The following TRIO variants were observed in gnomAD, a reference collection of about 807,000 sequenced individuals.
TRIO encodes triple functional domain protein.
TRIO carries 58 observed loss-of-function variants against 351.9 expected under a neutral mutation model. That is an observed-to-expected ratio of 0.16 (90% CI 0.13 to 0.21). TRIO has a LOEUF of 0.21. Among genes scored for constraint, TRIO ranks in the 10% least tolerant of loss-of-function variants. The pLI, the probability that TRIO is intolerant of heterozygous loss-of-function variation, is 1.00. For synonymous variants in TRIO, 1,758 were observed against 1,595.7 expected (o/e 1.10, Z -2.42); for missense variants, 3,201 against 4,027.8 (o/e 0.79, Z 5.56).
At chr5:14,179,663 G>A (rs1312251266) in intron 1 of TRIO, among the ~76,000 whole-genome samples, 1 of 151,782 alleles carries the variant, frequency 6.6e-6, no homozygotes, top group Non-Finnish European at 1.5e-5. Flanking sequence ...TGCCCAGGCT[G>A]ATCTCGAACT....
chr5:14,419,649 C>A, intron 33 of TRIO, 129 bp from the exon 34 acceptor site: 2 of 1,294,058 alleles, frequency 1.5e-6, no homozygotes, highest in Non-Finnish European at 2.1e-6. Flanking sequence ...AGTGATCACA[C>A]AACCTCGGAG....
intron 4 of TRIO, among the ~76,000 whole-genome samples, chr5:14,289,252 T>G (rs1736705580): frequency 6.6e-6 from 1 of 151,936 alleles, no homozygotes; most frequent in Non-Finnish European, 1.5e-5. Flanking sequence ...GAGCGTGGTG[T>G]AAGTCACCTG....
At position 14,368,800 on chromosome 5, in the gene TRIO, C is replaced by T. The variant is rs371239588; in HGVS notation, c.2967C>T (p.Ala989=). Residue 989 remains alanine (A), a synonymous_variant, in exon 17 of 57, where the codon GCC becomes GCT. Coordinates refer to ENST00000344204, the MANE Select transcript of TRIO (RefSeq NM_007118.4). ...ACATGGACATGATCCGGGACTGCGC[C>T]GAGAAGGTGGCGTCTCACTGGCAAC... The part of the protein sequence containing the change: ...HYDMDMIRDC[A]EKVASHWQQL... 3.9e-5 allele frequency: 63 copies of T among 1,614,112 alleles called. No individual in the cohort carries two copies. In the East Asian group the frequency reaches 9.8e-4, roughly 25 times the overall value.
Position 14,497,887 on chromosome 5 carries a change from C to T in TRIO, c.8047+13C>T. 1 of 1,614,148 alleles carries T rather than the reference C, an allele frequency of 6.2e-7. No individual in the cohort carries two copies. On this transcript the variant is annotated intron_variant, in intron 51 of 56. Transcript: ENST00000344204. This position sits in a 1 kb window ranked among gnomAD's most constrained non-coding sequence, Gnocchi z 4.4. ...TACATTTATGACGGTGAGTTCTGTT[C>T]TTTTTCTTCTAGTCCTAGAGATGAT... is the stretch of plus-strand genomic sequence containing the variant.
intron 26 of TRIO, 34 bp from the exon 27 acceptor site, chr5:14,390,867 A>G: frequency 1.3e-6 from 2 of 1,565,660 alleles, no homozygotes; most frequent in Non-Finnish European, 1.7e-6. Context: ...ACTTGTTATG[A>G]TTTAAATGAG....
chr5:14,502,286 G>A (rs996398340), intron 53 of TRIO, among the ~76,000 whole-genome samples: 1 of 152,116 alleles, frequency 6.6e-6, no homozygotes, highest in Non-Finnish European at 1.5e-5. Context: ...AAAAGTAAAA[G>A]CAGTTTTTAC....
intron 1 of TRIO, among the ~76,000 whole-genome samples, chr5:14,160,975 A>G (rs898896171): frequency 1.3e-5 from 2 of 151,962 alleles, no homozygotes; most frequent in Admixed American, 1.3e-4. Context: ...CAGCGGTGTG[A>G]TTTTGACTCA....
intron 34 of TRIO, among the ~76,000 whole-genome samples, chr5:14,436,610 G>C (rs560664672): frequency 2.6e-5 from 4 of 152,174 alleles, no homozygotes; most frequent in Admixed American, 6.5e-5. Flanking sequence ...AAAATCAAAA[G>C]CAGGTTAGTT....
intron 8 of TRIO, 107 bp from the exon 9 acceptor site, chr5:14,316,406 A>T: frequency 9.2e-7 from 1 of 1,081,762 alleles, no homozygotes; most frequent in Non-Finnish European, 1.4e-6. Context: ...GTGTACATGT[A>T]CGTGTGTGCC....
At chr5:14,498,285 G>A (rs543501535) in intron 52 of TRIO, 34 bp downstream of exon 52, 1 of 1,604,306 alleles carries the variant, frequency 6.2e-7, no homozygotes, top group Non-Finnish European at 8.5e-7. Context: ...GGTTTCGCTG[G>A]CTGGGAGCAC....
chr5:14,230,762 G>A (rs1793369495), intron 1 of TRIO, among the ~76,000 whole-genome samples: 1 of 152,058 alleles, frequency 6.6e-6, no homozygotes, highest in South Asian at 2.1e-4. Context: ...CAAGATATTG[G>A]TGAGTCTTAA....
chr5:14,471,219 T>C, intron 37 of TRIO, 99 bp from the exon 38 acceptor site: 1 of 1,327,136 alleles, frequency 7.5e-7, no homozygotes, highest in South Asian at 1.9e-5. Flanking sequence ...CACAAATACA[T>C]TTTCTGTATT....
chr5:14,473,982 G>GT lies in TRIO; in HGVS notation c.5980-9dup. The GT allele has an allele frequency of 6.2e-7, 1 of 1,609,382 alleles. No homozygotes were observed. On this transcript the variant is annotated splice_polypyrimidine_tract_variant and intron_variant, in intron 39 of 56. Coordinates refer to ENST00000344204, the MANE Select transcript of TRIO (RefSeq NM_007118.4). The stretch of plus-strand genomic sequence containing the variant: ...TCCATGAAATACACTTATCATAACT[G>GT]TTTAATTGTAGGGCTACATGGCACT...
chr5:14,356,393 A>G (rs1682295346), intron 11 of TRIO, among the ~76,000 whole-genome samples: 2 of 152,244 alleles, frequency 1.3e-5, no homozygotes, highest in South Asian at 4.1e-4. Context: ...TGCCATCATT[A>G]GTAATTAGGG....
intron 49 of TRIO, among the ~76,000 whole-genome samples, chr5:14,494,948 C>CA (rs1448447691): frequency 5.3e-5 from 8 of 152,346 alleles, no homozygotes; most frequent in African/African-American, 1.9e-4. Context: ...CCATAGCTAC[C>CA]ATAGGCAGTG....
At chr5:14,467,789 G>A (rs762001198) in intron 37 of TRIO, among the ~76,000 whole-genome samples, 3 of 152,126 alleles carry the variant, frequency 2.0e-5, no homozygotes, top group Non-Finnish European at 4.4e-5. Flanking sequence ...CTCAGCCTGA[G>A]TGACAGAGTG....
rs142583361 is a variant in TRIO at position 14,239,196 on chromosome 5, T to C, written c.158-31629T>C. On this transcript the variant is annotated intron_variant, in intron 1 of 56. Transcript: ENST00000344204. ...ATATAAGTGGTATTCTGACCTGTTATGCTAAAATACTTCTTTTTGATAGGA... is the reference window on the plus strand; with the variant it reads ...ATATAAGTGGTATTCTGACCTGTTACGCTAAAATACTTCTTTTTGATAGGA... Among the ~76,000 whole-genome samples the C allele has an allele frequency of 4.8e-4, 73 of 152,350 alleles. No individual in the cohort carries two copies. In the East Asian group the frequency reaches 0.014, roughly 29 times the overall value.
At chr5:14,272,463 T>G (rs1796030655) in intron 2 of TRIO, among the ~76,000 whole-genome samples, 1 of 152,270 alleles carries the variant, frequency 6.6e-6, no homozygotes, top group Non-Finnish European at 1.5e-5. Flanking sequence ...GAATATATTA[T>G]CGGCTGACAT....
intron 9 of TRIO, among the ~76,000 whole-genome samples, chr5:14,330,416 C>G (rs1267614629): frequency 6.6e-6 from 1 of 152,088 alleles, no homozygotes; most frequent in African/African-American, 2.4e-5. Context: ...TTAAATTGGC[C>G]CTGTGTGACT....
Sources: gnomAD v4.1 joint callset for allele counts (sites outside exome capture counted in the v4.1 genomes callset) on GRCh38, gnomAD v4.1.1 for gene constraint, Gnocchi (gnomAD v3.1) non-coding constraint, MANE v1.5 for transcripts, NCBI Gene and HGNC (gene_info 2026-07-23, HGNC 2026-07-21) for gene names.